The following CEP128 variants were observed in gnomAD, a reference collection of about 807,000 sequenced individuals.
CEP128 encodes the protein centrosomal protein 128.
In CEP128, 132 loss-of-function variants were observed where a neutral mutation model predicts 156.7. The observed-to-expected ratio is 0.84, with a 90% CI of 0.73 to 0.97. CEP128 has a LOEUF of 0.97. Among genes scored for constraint, CEP128 ranks in the 50% least tolerant of loss-of-function variants. CEP128 has a pLI of 0.00. For synonymous variants in CEP128, 469 were observed against 448.9 expected (o/e 1.04, Z -0.57); for missense variants, 1,252 against 1,281.9 (o/e 0.98, Z 0.36).
rs78696473 is a variant in CEP128 at position 80,861,147 on chromosome 14, T to A, written c.762+1610A>T. On this transcript the variant is annotated intron_variant, in intron 9 of 24. Coordinates refer to ENST00000555265, the MANE Select transcript of CEP128 (RefSeq NM_152446.5). ...AAATGTAGAAGGAATCATAAAAAAA[T>A]TTTTAAATCACTATCTGGCACTACT... 1.7e-3 allele frequency among the ~76,000 whole-genome samples: 258 copies of A among 152,076 alleles called. 3 individuals are homozygous for A. The highest frequency in any genetic ancestry group is 5.9e-3 in the African/African-American group (245 of 41,546).
intron 13 of CEP128, among the ~76,000 whole-genome samples, chr14:80,801,908 CCCAAA>C (rs1167924966): frequency 5.3e-5 from 1 of 18,704 alleles, no homozygotes; most frequent in African/African-American, 1.7e-4. Flanking sequence ...ACTCTGTCTC[CCCAAA>C]AAAAAAAAAA....
intron 2 of CEP128, among the ~76,000 whole-genome samples, chr14:80,936,518 G>A (rs1885817334): frequency 6.6e-6 from 1 of 152,162 alleles, no homozygotes; most frequent in Non-Finnish European, 1.5e-5. Flanking sequence ...CCAAGCACTA[G>A]CATTATAGAA....
chr14:80,783,365 C>T (rs936099612), intron 15 of CEP128, among the ~76,000 whole-genome samples: 16 of 152,138 alleles, frequency 1.1e-4, no homozygotes, highest in African/African-American at 3.1e-4. Context: ...AATCCTTTCC[C>T]TACCACTCTC....
chr14:80,809,490 GACA>G (rs1463163130), intron 13 of CEP128, among the ~76,000 whole-genome samples: 4 of 152,028 alleles, frequency 2.6e-5, no homozygotes, highest in East Asian at 1.9e-4. Flanking sequence ...GAAATATTTA[GACA>G]ACAAGATACA....
At chr14:80,774,353 T>C (rs1566906562) in intron 16 of CEP128, among the ~76,000 whole-genome samples, 1 of 152,138 alleles carries the variant, frequency 6.6e-6, no homozygotes, top group Non-Finnish European at 1.5e-5. Flanking sequence ...AGGATGGGCA[T>C]GCAAAAATAC....
At chr14:80,937,051 C>T (rs1885847072) in intron 2 of CEP128, among the ~76,000 whole-genome samples, 1 of 151,960 alleles carries the variant, frequency 6.6e-6, no homozygotes, top group African/African-American at 2.4e-5. Flanking sequence ...GGCGCAGTGG[C>T]CCATGCCTGT....
At chr14:80,951,805 A>C (rs1162721876) in intron 2 of CEP128, among the ~76,000 whole-genome samples, 2 of 152,072 alleles carry the variant, frequency 1.3e-5, no homozygotes, top group Admixed American at 1.3e-4. Flanking sequence ...AGTATGAAAA[A>C]ATCATACCAT....
intron 9 of CEP128, among the ~76,000 whole-genome samples, chr14:80,850,543 A>T (rs931199879): frequency 7.9e-5 from 12 of 152,296 alleles, no homozygotes; most frequent in Admixed American, 5.9e-4. Context: ...CATTCAGAAA[A>T]ACACGAAGAA....
intron 13 of CEP128, among the ~76,000 whole-genome samples, chr14:80,821,600 TACACACACACACACACAC>T (rs71103885): frequency 1.7e-4 from 24 of 145,240 alleles, no homozygotes; most frequent in South Asian, 2.3e-4. Flanking sequence ...CATACACACA[TACACACACACACACACAC>T]ACACACACAC....
rs1294750021 is a variant in CEP128, at chr14:80,527,447, G to C, written c.2959-465C>G. On this transcript the variant is annotated intron_variant, in intron 22 of 24. Transcript: ENST00000555265. ...CTCTGTCTAAAAAAAAAAAAAAAAAGAACAAGAAAAAGAAGAAAATTGTCA... is the reference window on the plus strand; with the variant it reads ...CTCTGTCTAAAAAAAAAAAAAAAAACAACAAGAAAAAGAAGAAAATTGTCA... Among the ~76,000 whole-genome samples, 7 of 146,668 alleles carry C rather than the reference G, an allele frequency of 4.8e-5. No homozygotes were observed. The East Asian group carries it at 1.2e-3, about 25-fold the overall frequency.
At chr14:80,740,445 C>CACAT (rs1385902417) in intron 19 of CEP128, among the ~76,000 whole-genome samples, 2 of 100,072 alleles carry the variant, frequency 2.0e-5, no homozygotes, top group African/African-American at 7.4e-5. Context: ...AATGTATATA[C>CACAT]ACATACACAC....
upstream of CEP128, among the ~76,000 whole-genome samples, chr14:80,944,434 C>T (rs1886278565): frequency 1.3e-5 from 2 of 152,148 alleles, no homozygotes; most frequent in Admixed American, 1.3e-4. Context: ...CTCTCTCCTG[C>T]CACCATGTGA....
At chr14:80,840,283 T>C (rs1459685152) in intron 10 of CEP128, among the ~76,000 whole-genome samples, 1 of 152,264 alleles carries the variant, frequency 6.6e-6, no homozygotes, top group Admixed American at 6.5e-5. Context: ...TGATATTTAA[T>C]ATAAATAGAG....
intron 11 of CEP128, 116 bp downstream of exon 11, chr14:80,838,088 G>A: frequency 1.4e-6 from 1 of 695,636 alleles, no homozygotes; most frequent in Non-Finnish European, 2.4e-6. Context: ...ACATTCCTTA[G>A]GAAAACATTT....
intron 14 of CEP128, among the ~76,000 whole-genome samples, chr14:80,787,826 A>G (rs1044356141): frequency 4.6e-5 from 7 of 152,216 alleles, no homozygotes; most frequent in Non-Finnish European, 8.8e-5. Flanking sequence ...ATGAAATATT[A>G]TATCTTCCTG....
chr14:80,742,368 C>A (rs1476653846), intron 19 of CEP128, among the ~76,000 whole-genome samples: 1 of 152,128 alleles, frequency 6.6e-6, no homozygotes, highest in African/African-American at 2.4e-5. Flanking sequence ...CTCTTCCTCA[C>A]CTTGGGCTGG....
intron 20 of CEP128, among the ~76,000 whole-genome samples, chr14:80,577,495 C>G (rs1891410440): frequency 6.6e-6 from 1 of 152,138 alleles, no homozygotes; most frequent in Non-Finnish European, 1.5e-5. Context: ...TTCCTTTTTA[C>G]TTCCTAACAA....
intron 19 of CEP128, among the ~76,000 whole-genome samples, chr14:80,608,702 C>T (rs1185658617): frequency 2.0e-5 from 3 of 152,122 alleles, no homozygotes; most frequent in Non-Finnish European, 4.4e-5. Context: ...CCTGGAATGC[C>T]CTGCCTACCC....
At chr14:80,831,332 T>C (rs1885787040) in intron 12 of CEP128, 38 bp from the exon 13 acceptor site, 3 of 1,603,428 alleles carry the variant, frequency 1.9e-6, no homozygotes, top group Admixed American at 3.4e-5. Context: ...GGTTGTTCTT[T>C]ATTCACAGAA....
Sources: allele counts gnomAD v4.1 joint callset (sites outside exome capture counted in the v4.1 genomes callset), GRCh38; gene constraint gnomAD v4.1.1; transcripts MANE v1.5; gene names NCBI Gene and HGNC (gene_info 2026-07-23, HGNC 2026-07-21).